ADAM17: variants seen among roughly 807,000 people sequenced by gnomAD.
The protein encoded by ADAM17 is disintegrin and metalloproteinase domain-containing protein 17.
Under a neutral mutation model 96.7 loss-of-function variants are expected in ADAM17, and 39 were observed. The ratio of observed to expected loss-of-function variants is 0.40; its 90% CI spans 0.31 to 0.53. The LOEUF is 0.53. ADAM17 is among the 20% of genes least tolerant of loss of function. ADAM17 has a pLI of 0.44. For missense variants in ADAM17, 777 were observed against 1,013.2 expected, an observed-to-expected ratio of 0.77 and a Z score of 3.17; for synonymous variants, 344 against 359.2, an observed-to-expected ratio of 0.96 and a Z score of 0.48.
rs1467913588 is a variant in ADAM17, at chr2:9,555,725, T to C, written c.-120A>G. 3.8e-6 allele frequency: 3 copies of C among 784,038 alleles called. No individual in the cohort carries two copies. Among genetic ancestry groups the C allele is most frequent in the Non-Finnish European group, 5.6e-6 (3 of 535,654 alleles). 48.6% of individuals were successfully genotyped at this position (784,038 alleles called of 1,614,324 possible). A position where few individuals can be genotyped will look rare whatever the true frequency, so the allele number is the denominator to read the frequency against. ...CCGGCCTAGCCCCTCAATCCTCTTT[T>C]CCCTCCCGCGCCGCCTACTGGGAAG... On this transcript the variant is annotated 5_prime_UTR_variant, in exon 1 of 19. Coordinates refer to ENST00000310823, the MANE Select transcript of ADAM17 (RefSeq NM_003183.6).
chr2:9,539,329 G>C (rs564244938), intron 2 of ADAM17, among the ~76,000 whole-genome samples: 2 of 152,004 alleles, frequency 1.3e-5, no homozygotes, highest in African/African-American at 4.8e-5. Context: ...GGATGGTCTC[G>C]ATCTCCTGAC....
chr2:9,550,903 C>CAAAAAAAAAAAAAAAA, intron 1 of ADAM17, among the ~76,000 whole-genome samples: 1 of 97,868 alleles, frequency 1.0e-5, no homozygotes, highest in Non-Finnish European at 2.0e-5. Context: ...ACTAAAAATA[C>CAAAAAAAAAAAAAAAA]AAAAAAAAAA....
chr2:9,533,709 A>G (rs564856452), intron 4 of ADAM17, among the ~76,000 whole-genome samples: 2 of 152,298 alleles, frequency 1.3e-5, no homozygotes, highest in East Asian at 3.9e-4. Context: ...AGTGTTCTAG[A>G]ATGTATTGAA....
intron 11 of ADAM17, among the ~76,000 whole-genome samples, chr2:9,505,810 G>C (rs1663352527): frequency 1.3e-5 from 2 of 152,270 alleles, no homozygotes; most frequent in South Asian, 4.1e-4. Context: ...AGAAATGCAG[G>C]AGAAGGGGTT....
At chr2:9,510,187 C>T in intron 10 of ADAM17, 56 bp from the exon 11 acceptor site, 1 of 1,593,962 alleles carries the variant, frequency 6.3e-7, no homozygotes, top group Non-Finnish European at 8.6e-7. Context: ...TCACCTACTT[C>T]TGCCAGTTGG....
In ADAM17 at chr2:9,555,748, A is replaced by G. The variant is rs189110504; in HGVS notation, c.-143T>C. ...TTTCCCTCCCGCGCCGCCTACTGGG[A>G]AGATTCTACCGCCAGGCTCGACGCC... is the stretch of plus-strand genomic sequence containing the variant. On this transcript the variant is annotated 5_prime_UTR_variant, in exon 1 of 19. Coordinates refer to ENST00000310823, the MANE Select transcript of ADAM17 (RefSeq NM_003183.6). 7.5e-4 allele frequency: 488 copies of G among 649,628 alleles called. 2 individuals are homozygous for G. The African/African-American group carries it at 8.4e-3, about 11-fold the overall frequency. The allele number at this position is 649,628 out of a possible 1,614,324, so 40.2% of individuals were successfully genotyped here. A position where few individuals can be genotyped will look rare whatever the true frequency, so the allele number is the denominator to read the frequency against.
At chr2:9,542,773 G>A (rs1340221808) in intron 2 of ADAM17, among the ~76,000 whole-genome samples, 1 of 152,106 alleles carries the variant, frequency 6.6e-6, no homozygotes, top group Non-Finnish European at 1.5e-5. Context: ...ATCTCGGCTA[G>A]TGCAGCCTCC....
At position 9,493,970 on chromosome 2, in the gene ADAM17, C is replaced by T. The variant is rs10200038; in HGVS notation, c.1915-145G>A. 1.0e-3 allele frequency: 622 copies of T among 619,326 alleles called. 3 individuals are homozygous for T. The African/African-American group carries it at 0.011, about 11-fold the overall frequency. The allele number at this position is 619,326 out of a possible 1,614,324, so 38.4% of individuals were successfully genotyped here. A position where few individuals can be genotyped will look rare whatever the true frequency, so the allele number is the denominator to read the frequency against. On this transcript the variant is annotated intron_variant, in intron 15 of 18. Transcript: ENST00000310823. The stretch of plus-strand genomic sequence containing the variant: ...CTTTGACACAAGGCAATAACTTCCG[C>T]GTAATGAGTACCCAAGAAAGTAGAA...
At chr2:9,493,109 G>A in intron 16 of ADAM17, 123 bp from the exon 17 acceptor site, 1 of 752,642 alleles carries the variant, frequency 1.3e-6, no homozygotes, top group Admixed American at 3.1e-5. Flanking sequence ...ACTACCGAGA[G>A]CAGAATGTCT....
intron 10 of ADAM17, among the ~76,000 whole-genome samples, chr2:9,517,303 C>A (rs2125017134): frequency 6.6e-6 from 1 of 152,162 alleles, no homozygotes; most frequent in African/African-American, 2.4e-5. Context: ...GAGAAAAAAA[C>A]AGGTGACAAA....
intron 4 of ADAM17, among the ~76,000 whole-genome samples, chr2:9,535,236 T>A (rs1664912072): frequency 6.6e-6 from 1 of 152,140 alleles, no homozygotes; most frequent in Non-Finnish European, 1.5e-5. Context: ...CCACCCAGAG[T>A]CTTCTCATTT....
rs559976806 is a variant in ADAM17, at chr2:9,546,837, G to A, written c.98-3552C>T. ...CGATTCTCCTGTCTCAGCCTCCCAA[G>A]TAGCTGGGACTACAGGTGCACACCA... On this transcript the variant is annotated intron_variant, in intron 1 of 18. Transcript: ENST00000310823. 9.9e-5 allele frequency among the ~76,000 whole-genome samples: 15 copies of A among 151,610 alleles called. No homozygotes were observed. In the South Asian group the frequency reaches 2.9e-3, roughly 29 times the overall value.
intron 10 of ADAM17, among the ~76,000 whole-genome samples, chr2:9,515,527 A>G (rs1159378101): frequency 2.0e-5 from 3 of 152,086 alleles, no homozygotes; most frequent in African/African-American, 7.2e-5. Context: ...ACCTGAGGTC[A>G]GGAGTTCGAG....
intron 4 of ADAM17, among the ~76,000 whole-genome samples, chr2:9,530,314 A>T (rs1447778539): frequency 2.0e-5 from 3 of 152,216 alleles, no homozygotes; most frequent in Non-Finnish European, 2.9e-5. Context: ...ACAGAAAAAG[A>T]CAGCTGGCTT....
intron 10 of ADAM17, among the ~76,000 whole-genome samples, chr2:9,513,588 T>C (rs934353449): frequency 6.6e-6 from 1 of 152,082 alleles, no homozygotes; most frequent in Non-Finnish European, 1.5e-5. Flanking sequence ...TACTGCTTGA[T>C]ATGTAGGGGG....
intron 15 of ADAM17, among the ~76,000 whole-genome samples, chr2:9,494,189 A>G (rs1662379257): frequency 6.6e-6 from 1 of 152,174 alleles, no homozygotes; most frequent in Admixed American, 6.5e-5. Flanking sequence ...CTCTCCCATC[A>G]TTCTGCATGA....
intron 10 of ADAM17, among the ~76,000 whole-genome samples, chr2:9,516,708 G>A (rs1326909143): frequency 6.6e-6 from 1 of 151,992 alleles, no homozygotes; most frequent in Non-Finnish European, 1.5e-5. Flanking sequence ...AGCCAAGATG[G>A]TGCCACTGCC....
chr2:9,498,087 G>C (rs1425014073), intron 13 of ADAM17, among the ~76,000 whole-genome samples: 1 of 152,074 alleles, frequency 6.6e-6, no homozygotes, highest in East Asian at 1.9e-4. Context: ...TGGAAGGCAG[G>C]GGTGTGATCA....
At chr2:9,533,125 G>T (rs1196781242) in intron 4 of ADAM17, among the ~76,000 whole-genome samples, 2 of 151,788 alleles carry the variant, frequency 1.3e-5, no homozygotes, top group Non-Finnish European at 2.9e-5. Flanking sequence ...GGAGGCAGAG[G>T]ATGTGGTGAG....
Sources: allele counts gnomAD v4.1 joint callset (sites outside exome capture counted in the v4.1 genomes callset), GRCh38; gene constraint gnomAD v4.1.1; transcripts MANE v1.5; gene names NCBI Gene and HGNC (gene_info 2026-07-23, HGNC 2026-07-21).